KCNQ3: variants seen among roughly 807,000 people sequenced by gnomAD.
KCNQ3 encodes potassium voltage-gated channel subfamily KQT member 3.
KCNQ3 carries 30 observed loss-of-function variants against 92.5 expected under a neutral mutation model. That is an observed-to-expected ratio of 0.32 (90% CI 0.24 to 0.44). The LOEUF is 0.44. Among genes scored for constraint, KCNQ3 ranks in the 20% least tolerant of loss-of-function variants. The pLI, the probability that KCNQ3 is intolerant of heterozygous loss-of-function variation, is 1.00. For missense variants in KCNQ3, 913 were observed against 1,140.3 expected, an observed-to-expected ratio of 0.80 and a Z score of 2.87; for synonymous variants, 450 against 468.8, an observed-to-expected ratio of 0.96 and a Z score of 0.52.
intron 1 of KCNQ3, among the ~76,000 whole-genome samples, chr8:132,456,027 G>A (rs567418036): frequency 2.1e-4 from 32 of 152,228 alleles, no homozygotes; most frequent in Non-Finnish European, 1.8e-4. Flanking sequence ...TTACAGGCAT[G>A]AGCCACCGTG....
At chr8:132,403,822 G>T (rs1374491317) in intron 1 of KCNQ3, among the ~76,000 whole-genome samples, 1 of 152,200 alleles carries the variant, frequency 6.6e-6, no homozygotes, top group African/African-American at 2.4e-5. Flanking sequence ...TTTGTCACTA[G>T]TCTGGTGGAT....
intron 1 of KCNQ3, among the ~76,000 whole-genome samples, chr8:132,290,472 T>C (rs775479303): frequency 6.6e-5 from 10 of 152,144 alleles, no homozygotes; most frequent in Non-Finnish European, 1.3e-4. Context: ...TTCACATGGA[T>C]TACTTTGGTT....
chr8:132,465,580 T>A (rs908090113), intron 1 of KCNQ3, among the ~76,000 whole-genome samples: 3 of 151,460 alleles, frequency 2.0e-5, no homozygotes, highest in South Asian at 2.1e-4. Context: ...ATACAAAAAA[T>A]AATAATAATA....
At chr8:132,448,920 C>T (rs1156575412) in intron 1 of KCNQ3, among the ~76,000 whole-genome samples, 1 of 152,164 alleles carries the variant, frequency 6.6e-6, no homozygotes, top group Non-Finnish European at 1.5e-5. Context: ...AGCCCTGGCC[C>T]CGAAGGCTCC....
At chr8:132,354,835 C>T (rs1172572073) in intron 1 of KCNQ3, among the ~76,000 whole-genome samples, 1 of 152,204 alleles carries the variant, frequency 6.6e-6, no homozygotes, top group Non-Finnish European at 1.5e-5. Flanking sequence ...GTCAGTGGGG[C>T]ACCCCCAATA....
chr8:132,285,088 T>G (rs1202824141), intron 1 of KCNQ3, among the ~76,000 whole-genome samples: 1 of 152,174 alleles, frequency 6.6e-6, no homozygotes, highest in Non-Finnish European at 1.5e-5. Flanking sequence ...CAACATAAAA[T>G]GTACTGAGGC....
chr8:132,287,312 C>T (rs1816705592), intron 1 of KCNQ3, among the ~76,000 whole-genome samples: 1 of 152,114 alleles, frequency 6.6e-6, no homozygotes, highest in African/African-American at 2.4e-5. Context: ...GGGTATAAAA[C>T]CAGAGAGAGT....
intron 1 of KCNQ3, among the ~76,000 whole-genome samples, chr8:132,435,885 T>C (rs901941291): frequency 2.0e-5 from 3 of 152,104 alleles, no homozygotes; most frequent in African/African-American, 7.2e-5. Flanking sequence ...CCTAGTCTTG[T>C]CCTCATCATT....
chr8:132,301,513 C>T (rs1205585258), intron 1 of KCNQ3, among the ~76,000 whole-genome samples: 1 of 152,154 alleles, frequency 6.6e-6, no homozygotes, highest in Non-Finnish European at 1.5e-5. Flanking sequence ...AATAACAGGT[C>T]CATAATTAAA....
chr8:132,254,482 G>A (rs986519919), intron 1 of KCNQ3, among the ~76,000 whole-genome samples: 1 of 152,180 alleles, frequency 6.6e-6, no homozygotes, highest in Non-Finnish European at 1.5e-5. Flanking sequence ...TTTGTCATAT[G>A]ATATTTTGTT....
At chr8:132,260,998 G>A (rs1392698076) in intron 1 of KCNQ3, among the ~76,000 whole-genome samples, 1 of 152,116 alleles carries the variant, frequency 6.6e-6, no homozygotes, top group Non-Finnish European at 1.5e-5. Context: ...GGTTCACAAA[G>A]TTGAGCAACC....
At chr8:132,188,883 G>A (rs1423380057) in intron 1 of KCNQ3, among the ~76,000 whole-genome samples, 1 of 152,200 alleles carries the variant, frequency 6.6e-6, no homozygotes, top group African/African-American at 2.4e-5. Context: ...TTGACCATAT[G>A]TCCAAGTTTA....
intron 1 of KCNQ3, among the ~76,000 whole-genome samples, chr8:132,394,758 A>C (rs890198471): frequency 6.6e-6 from 1 of 152,168 alleles, no homozygotes; most frequent in Non-Finnish European, 1.5e-5. Context: ...GTCAGACAGG[A>C]CCCCAGATTG....
intron 1 of KCNQ3, among the ~76,000 whole-genome samples, chr8:132,206,132 A>T (rs1460083768): frequency 6.6e-6 from 1 of 152,162 alleles, no homozygotes; most frequent in Admixed American, 6.5e-5. Flanking sequence ...TCCAGCCATA[A>T]GGATGTCTCA....
At chr8:132,158,545 G>A (rs1028765817) in intron 9 of KCNQ3, among the ~76,000 whole-genome samples, 6 of 152,166 alleles carry the variant, frequency 3.9e-5, no homozygotes, top group Non-Finnish European at 7.3e-5. Flanking sequence ...GACACCTGCT[G>A]TGACTGACTA....
intron 1 of KCNQ3, among the ~76,000 whole-genome samples, chr8:132,256,839 C>A (rs1357064495): frequency 6.6e-6 from 1 of 152,156 alleles, no homozygotes; most frequent in East Asian, 1.9e-4. Flanking sequence ...TTGCTGCTTG[C>A]AGACCTTCAC....
intron 1 of KCNQ3, among the ~76,000 whole-genome samples, chr8:132,189,472 G>A (rs62519615): frequency 0.07 from 10,722 of 152,214 alleles, 536 homozygotes; most frequent in African/African-American, 0.13. Flanking sequence ...TTATTGATCC[G>A]ATTGAGGTAG....
Position 132,480,651 on chromosome 8 carries a change from G to T in KCNQ3, c.-119C>A. On this transcript the variant is annotated 5_prime_UTR_variant, in exon 1 of 15. Transcript: ENST00000388996. ...GCAAGCCCGGGAACTCCAATGCCAT[G>T]ATCCGCGCGCCCCTCCCCACCCCCC... is the stretch of plus-strand genomic sequence containing the variant. 9.5e-7 allele frequency: 1 copy of T among 1,051,654 alleles called. No individual in the cohort carries two copies. The highest frequency in any genetic ancestry group is 1.2e-6 in the Non-Finnish European group (1 of 850,134). The allele number at this position is 1,051,654 out of a possible 1,614,324, so 65.1% of individuals were successfully genotyped here.
intron 1 of KCNQ3, among the ~76,000 whole-genome samples, chr8:132,258,901 T>C (rs187689358): frequency 3.2e-4 from 48 of 152,156 alleles, no homozygotes; most frequent in African/African-American, 1.0e-3. Flanking sequence ...TTAGATAACC[T>C]AGATGAAATG....
Sources: gnomAD v4.1 joint callset for allele counts (sites outside exome capture counted in the v4.1 genomes callset) on GRCh38, gnomAD v4.1.1 for gene constraint, MANE v1.5 for transcripts, NCBI Gene and HGNC (gene_info 2026-07-23, HGNC 2026-07-21) for gene names.